Variants in DDB1 observed in about 807,000 individuals in gnomAD.
DDB1 encodes DNA damage-binding protein 1.
In DDB1, 18 loss-of-function variants were observed where a neutral mutation model predicts 133.1. The observed-to-expected ratio is 0.14, with a 90% CI of 0.09 to 0.20. The LOEUF (loss-of-function observed/expected upper bound fraction) is 0.20. Among genes scored for constraint, DDB1 ranks in the 10% least tolerant of loss-of-function variants. The probability of loss-of-function intolerance (pLI) is 1.00; values close to 1 mark genes in which losing one functional copy is unlikely to be tolerated. For synonymous variants in DDB1, 580 were observed against 550.5 expected, an observed-to-expected ratio of 1.05 and a Z score of -0.75; for missense variants, 828 against 1,459.2, an observed-to-expected ratio of 0.57 and a Z score of 7.05.
intron 10 of DDB1, among the ~76,000 whole-genome samples, chr11:61,318,482 T>A (rs1034627182): frequency 1.3e-5 from 2 of 152,234 alleles, no homozygotes; most frequent in East Asian, 3.9e-4. Context: ...TCTAGTAGAG[T>A]ACTGCTGTTT....
At chr11:61,303,808 C>T (rs1855839631) in intron 22 of DDB1, 57 bp downstream of exon 22, 2 of 1,592,242 alleles carry the variant, frequency 1.3e-6, no homozygotes, top group Admixed American at 3.4e-5. Context: ...ACCAGAGACA[C>T]TTGCAGGGGC....
In DDB1 at chr11:61,309,820, T is replaced by C; in HGVS notation, c.2542A>G (p.Ile848Val). The change falls in exon 20 of 27, where the codon ATT (isoleucine) becomes GTT (valine). Residue 848 changes from isoleucine (I) to valine (V), a missense_variant. Ile to Val is a conservative substitution (Grantham distance 29, BLOSUM62 3). Transcript: ENST00000301764. ...CCATCCGAATACTGAAAGACCACAA[T>C]GCGACCCTGCTTGGGCTCTGCCTCT... ...PEEAEPKQGR[I>V]VVFQYSDGKL... 5 of 1,613,948 alleles carry C rather than the reference T, an allele frequency of 3.1e-6. No individual in the cohort carries two copies. The highest frequency in any genetic ancestry group is 4.2e-6 in the Non-Finnish European group (5 of 1,179,976).
At position 61,314,383 on chromosome 11, in the gene DDB1, C is replaced by G; in HGVS notation, c.1514G>C (p.Ser505Thr). ...AKNISVASCNSSQVVVAVGRA... is the reference protein window; with the variant it reads ...AKNISVASCNTSQVVVAVGRA... ...GCCTACAGCCACCACCACCTGGCTG[C>G]TATTGCAGGAGGCCACACTGATGTT... The change falls in exon 13 of 27, where the codon AGC becomes ACC. Residue 505 changes from serine (S) to threonine (T), a missense_variant. This residue lies in a region of DDB1 where 396 missense variants were observed against 554.1 expected (regional missense o/e 0.71). Transcript: ENST00000301764. 1 of 1,614,238 alleles carries G rather than the reference C, an allele frequency of 6.2e-7. No individual in the cohort carries two copies. The highest frequency in any genetic ancestry group is 8.5e-7 in the Non-Finnish European group (1 of 1,180,028).
chr11:61,326,936 G>T, intron 4 of DDB1, 43 bp from the exon 5 acceptor site: 1 of 1,469,384 alleles, frequency 6.8e-7, no homozygotes, highest in Non-Finnish European at 9.5e-7. Context: ...GGAAGGGTGA[G>T]CCTTGGGCTA....
chr11:61,315,350 T>C (rs1856046132), intron 12 of DDB1: 2 of 152,198 alleles, frequency 1.3e-5, no homozygotes, highest in Admixed American at 6.5e-5. Context: ...ATTGAGTTTA[T>C]ATATAAGGAT....
intron 5 of DDB1, chr11:61,326,080 C>G (rs1377847037): frequency 6.5e-6 from 2 of 307,164 alleles, no homozygotes; most frequent in African/African-American, 4.4e-5. Flanking sequence ...GCTTAACTTC[C>G]CCCCATTATC....
Position 61,326,792 on chromosome 11 carries a change from G to A in DDB1, c.651C>T (p.Ser217=). 1.2e-6 allele frequency: 2 copies of A among 1,613,964 alleles called. No homozygotes were observed. Among genetic ancestry groups the A allele is most frequent in the Non-Finnish European group, 1.7e-6 (2 of 1,179,898 alleles). Residue 217 remains serine (S), a synonymous_variant, in exon 5 of 27, where the codon TCC becomes TCT. Coordinates refer to ENST00000301764, the MANE Select transcript of DDB1 (RefSeq NM_001923.5). ...WKQENVEAEA[S]MVIAVPEPFG... is the part of the protein sequence containing the mutation. ...CCCCCTACCAACCTGCGATCACCATGGAAGCTTCAGCTTCGACATTTTCCT... is the reference window on the plus strand; with the variant it reads ...CCCCCTACCAACCTGCGATCACCATAGAAGCTTCAGCTTCGACATTTTCCT...
Position 61,317,142 on chromosome 11 carries a change from T to A in DDB1, c.1226-575A>T, listed in dbSNP as rs146163846. Among the ~76,000 whole-genome samples the A allele has an allele frequency of 8.2e-3, 1,238 of 151,762 alleles. 22 individuals are homozygous for A. The highest frequency in any genetic ancestry group is 0.029 in the African/African-American group (1,195 of 41,378). The stretch of plus-strand genomic sequence containing the variant: ...TTTGCTTGTTTTTTTTGAGACGGAG[T>A]CTCGCTCTGTCACCAGGCTGGAGTG... On this transcript the variant is annotated intron_variant, in intron 10 of 26. Transcript: ENST00000301764.
intron 10 of DDB1, among the ~76,000 whole-genome samples, chr11:61,320,402 T>C (rs941084012): frequency 6.6e-6 from 1 of 152,126 alleles, no homozygotes; most frequent in Non-Finnish European, 1.5e-5. Flanking sequence ...GGTTTCACCA[T>C]GTTGGCCAGG....
rs762035716 is a variant in DDB1 at position 61,326,768 on chromosome 11, C to T, written c.664+11G>A. The T allele has an allele frequency of 6.2e-7, 1 of 1,612,000 alleles. No homozygotes were observed. Among genetic ancestry groups the T allele is most frequent in the Non-Finnish European group, 8.5e-7 (1 of 1,178,086 alleles). ...CCAGGTGGAGGCACATTTCCTAAAC[C>T]CCCTACCAACCTGCGATCACCATGG... On this transcript the variant is annotated intron_variant, in intron 5 of 26. Coordinates refer to ENST00000301764, the MANE Select transcript of DDB1 (RefSeq NM_001923.5).
At chr11:61,325,324 C>T (rs1017637185) in intron 6 of DDB1, among the ~76,000 whole-genome samples, 1 of 152,078 alleles carries the variant, frequency 6.6e-6, no homozygotes, top group East Asian at 1.9e-4. Context: ...CCAGCCTGAG[C>T]GACAGAGTAA....
chr11:61,311,568 C>T (rs1004865656), intron 18 of DDB1, among the ~76,000 whole-genome samples: 2 of 152,196 alleles, frequency 1.3e-5, no homozygotes, highest in South Asian at 2.1e-4. Context: ...GCAAGGCCAC[C>T]AAGTAGGAAC....
chr11:61,300,839 G>C lies in DDB1; in HGVS notation c.3309C>G (p.Pro1103=). The C allele has an allele frequency of 6.2e-7, 1 of 1,614,174 alleles. No individual in the cohort carries two copies. The highest frequency in any genetic ancestry group is 8.5e-7 in the Non-Finnish European group (1 of 1,180,030). ...LIESFLDISR[P]KMQEVVANLQ... ...GGTTTGCCACCACCTCCTGCATCTTGGGGCGGCTAATATCCAGGAAACTCT... is the reference window on the plus strand; with the variant it reads ...GGTTTGCCACCACCTCCTGCATCTTCGGGCGGCTAATATCCAGGAAACTCT... The change falls in exon 26 of 27, where the codon CCC becomes CCG. Residue 1103 remains proline, a synonymous_variant. Coordinates refer to ENST00000301764, the MANE Select transcript of DDB1 (RefSeq NM_001923.5).
At chr11:61,323,249 GT>G in intron 7 of DDB1, 155 bp from the exon 8 acceptor site, 1 of 658,080 alleles carries the variant, frequency 1.5e-6, no homozygotes, top group Non-Finnish European at 2.7e-6. Flanking sequence ...CTAAGCAAAT[GT>G]TTCTAAATCT....
intron 4 of DDB1, among the ~76,000 whole-genome samples, chr11:61,327,226 T>G (rs1856284336): frequency 6.6e-6 from 1 of 152,140 alleles, no homozygotes; most frequent in African/African-American, 2.4e-5. Context: ...TCCCAGAACT[T>G]TGGAAGGCTG....
intron 10 of DDB1, among the ~76,000 whole-genome samples, chr11:61,317,016 A>G (rs1856097107): frequency 8.6e-6 from 1 of 116,308 alleles, no homozygotes; most frequent in South Asian, 2.8e-4. Context: ...GCAGCCTGAC[A>G]CCACTGGAAG....
chr11:61,303,935 A>G lies in DDB1; in HGVS notation c.2762T>C (p.Ile921Thr). The stretch of plus-strand genomic sequence containing the variant: ...TGAGCGCATAAGGTCGCCCACCAGG[A>G]TGAAGTCGCCCTTGGTCTTCAGGTA... ...ALYLKTKGDF[I>T]LVGDLMRSVL... is the part of the protein sequence containing the mutation. Residue 921 changes from isoleucine (I) to threonine (T), a missense_variant, in exon 22 of 27, where the codon ATC (isoleucine) becomes ACC (threonine). Ile to Thr is a moderately conservative substitution (Grantham distance 89). Coordinates refer to ENST00000301764, the MANE Select transcript of DDB1 (RefSeq NM_001923.5). 3 of 1,613,980 alleles carry G rather than the reference A, an allele frequency of 1.9e-6. No individual in the cohort carries two copies. Among genetic ancestry groups the G allele is most frequent in the Non-Finnish European group, 1.7e-6 (2 of 1,179,996 alleles).
At chr11:61,331,773 A>C in intron 1 of DDB1, 82 bp from the exon 2 acceptor site, 3 of 1,560,678 alleles carry the variant, frequency 1.9e-6, no homozygotes, top group Non-Finnish European at 2.6e-6. Context: ...CTTATGTCTA[A>C]ATACCTCCAG....
chr11:61,305,375 C>T (rs747210763), intron 21 of DDB1, among the ~76,000 whole-genome samples: 1 of 152,146 alleles, frequency 6.6e-6, no homozygotes, highest in Non-Finnish European at 1.5e-5. Context: ...GGCATTGTGA[C>T]GTGTGCCTGT....
Sources: allele counts gnomAD v4.1 joint callset (sites outside exome capture counted in the v4.1 genomes callset), GRCh38; gene constraint gnomAD v4.1.1; regional missense constraint gnomAD v4.1.1; transcripts MANE v1.5; gene names NCBI Gene and HGNC (gene_info 2026-07-23, HGNC 2026-07-21).